SLC4A1: variants seen among roughly 807,000 people sequenced by gnomAD.
SLC4A1 encodes the protein band 3 anion transport protein.
SLC4A1 carries 29 observed loss-of-function variants against 93.1 expected under a neutral mutation model. That is an observed-to-expected ratio of 0.31 (90% CI 0.23 to 0.42). The LOEUF (loss-of-function observed/expected upper bound fraction) is 0.42. Among genes scored for constraint, SLC4A1 ranks in the 20% least tolerant of loss-of-function variants. The pLI, the probability that SLC4A1 is intolerant of heterozygous loss-of-function variation, is 1.00. For missense variants in SLC4A1, 965 were observed against 1,190.1 expected (o/e 0.81, Z 2.78); for synonymous variants, 469 against 497.2 (o/e 0.94, Z 0.76).
intron 13 of SLC4A1, among the ~76,000 whole-genome samples, chr17:44,256,792 G>A (rs1227287076): frequency 6.6e-6 from 1 of 152,234 alleles, no homozygotes; most frequent in African/African-American, 2.4e-5. Context: ...GGCAGCAGGT[G>A]CCAACACATA....
chr17:44,257,325 C>T, intron 13 of SLC4A1, 25 bp downstream of exon 13: 1 of 1,608,446 alleles, frequency 6.2e-7, no homozygotes, highest in Non-Finnish European at 8.5e-7. Context: ...CTCCCGTGTG[C>T]ATTAACATCC....
chr17:44,255,064 C>T (rs761672789), intron 15 of SLC4A1, 143 bp downstream of exon 15: 4 of 699,996 alleles, frequency 5.7e-6, no homozygotes, highest in Non-Finnish European at 1.0e-5. Context: ...GCACATGGGA[C>T]TCCCAGAGGA....
chr17:44,250,517 C>T lies in SLC4A1; in HGVS notation c.2677G>A (p.Ala893Thr). ...LQCLDADDAK[A>T]TFDEEEGRDE... ...CGACCTTCCTCCTCATCAAAGGTTG[C>T]CTTGGCATCATCAGCATCCAGCTGG... Residue 893 changes from alanine (A) to threonine (T), a missense_variant, in exon 20 of 20, where the codon GCA (alanine) becomes ACA (threonine). Transcript: ENST00000262418. The T allele has an allele frequency of 6.2e-7, 1 of 1,613,860 alleles. No homozygotes were observed. The highest frequency in any genetic ancestry group is 8.5e-7 in the Non-Finnish European group (1 of 1,179,904).
Position 44,258,215 on chromosome 17 carries a change from T to C in SLC4A1, c.1088-35A>G, listed in dbSNP as rs768077891. On this transcript the variant is annotated intron_variant, in intron 10 of 19. Transcript: ENST00000262418. The surrounding 1 kb of genome is among the most constrained non-coding windows in gnomAD (Gnocchi z 6.1). ...AGGATAAGAGCATGGTCAGAGGGAG[T>C]AGCTGGAGGAGGTGAGGGGAAAGGG... 4 of 1,597,466 alleles carry C rather than the reference T, an allele frequency of 2.5e-6. No homozygotes were observed. The highest frequency in any genetic ancestry group is 1.4e-5 in the African/African-American group (1 of 73,768).
chr17:44,267,581 C>A (rs1424306150), intron 1 of SLC4A1, among the ~76,000 whole-genome samples: 2 of 152,212 alleles, frequency 1.3e-5, no homozygotes, highest in African/African-American at 4.8e-5. Context: ...CAGTTCCCTC[C>A]AATACTGACC....
At chr17:44,262,321 C>A (rs1395342759) in intron 3 of SLC4A1, among the ~76,000 whole-genome samples, 2 of 152,208 alleles carry the variant, frequency 1.3e-5, no homozygotes, top group African/African-American at 4.8e-5. Context: ...CAAGAACAAG[C>A]CCATTTTCTG....
rs999716 is a variant in SLC4A1, at chr17:44,262,056, C to T, written c.107-420G>A. 546,996 of 1,135,160 alleles carry T rather than the reference C, an allele frequency of 0.48. 137,914 individuals are homozygous for T. The highest frequency in any genetic ancestry group is 0.54 in the South Asian group (25,598 of 47,048). 70.3% of individuals were successfully genotyped at this position (1,135,160 alleles called of 1,614,324 possible). A position where few individuals can be genotyped will look rare whatever the true frequency, so the allele number is the denominator to read the frequency against. On this transcript the variant is annotated intron_variant, in intron 3 of 19. Coordinates refer to ENST00000262418, the MANE Select transcript of SLC4A1 (RefSeq NM_000342.4). ...CTCAATGAGCCCGTCAGCACAGTGT[C>T]TCACTGAGCTGAGGCACCAGGGTGG...
At chr17:44,261,526 G>T (rs755155212) in intron 4 of SLC4A1, 49 bp downstream of exon 4, 2 of 1,614,018 alleles carry the variant, frequency 1.2e-6, no homozygotes, top group South Asian at 1.1e-5. Flanking sequence ...ATCAAATGGT[G>T]GGTCCCAAAG....
chr17:44,258,319 T>A lies in SLC4A1; in HGVS notation c.1087+94A>T. Reference sequence around the variant, plus strand: ...TGGAAGATGTGGGCAAAGGGAGCGATGAGAGGGGAACATGTGATGGGAGAC... The same window carrying A: ...TGGAAGATGTGGGCAAAGGGAGCGAAGAGAGGGGAACATGTGATGGGAGAC... On this transcript the variant is annotated intron_variant, in intron 10 of 19. Coordinates refer to ENST00000262418, the MANE Select transcript of SLC4A1 (RefSeq NM_000342.4). This position sits in a 1 kb window ranked among gnomAD's most constrained non-coding sequence, Gnocchi z 6.1. 7.1e-7 allele frequency: 1 copy of A among 1,416,728 alleles called. No individual in the cohort carries two copies. The highest frequency in any genetic ancestry group is 1.1e-5 in the South Asian group (1 of 86,966). The allele number at this position is 1,416,728 out of a possible 1,614,324, so 87.8% of individuals were successfully genotyped here.
At chr17:44,259,062 C>T in intron 9 of SLC4A1, 101 bp downstream of exon 9, 1 of 1,257,752 alleles carries the variant, frequency 8.0e-7, no homozygotes, top group South Asian at 1.3e-5. Flanking sequence ...ATGGGTCAAA[C>T]CAGTGAACCT....
chr17:44,253,970 CTTTTTTTTTT>C (rs55705332), intron 16 of SLC4A1, among the ~76,000 whole-genome samples: 2 of 87,052 alleles, frequency 2.3e-5, no homozygotes, highest in African/African-American at 6.0e-5. Context: ...TCACCTGGCG[CTTTTTTTTTT>C]TTTTTTTTTT....
At position 44,249,762 on chromosome 17, in the gene SLC4A1, G is replaced by A. The variant is rs2047322862; in HGVS notation, c.*696C>T. 1 of 155,130 alleles carries A rather than the reference G, an allele frequency of 6.4e-6. No homozygotes were observed. Among genetic ancestry groups the A allele is most frequent in the African/African-American group, 2.4e-5 (1 of 41,438 alleles). The allele number at this position is 155,130 out of a possible 1,614,324, so 9.6% of individuals were successfully genotyped here. On this transcript the variant is annotated 3_prime_UTR_variant, in exon 20 of 20. Transcript: ENST00000262418. ...AGAAGAGGGTCTCAAGGTAGGGGCT[G>A]GGAGCAGAGTGGGGAAGGGAGGAGT...
chr17:44,261,019 A>G (rs896096540), intron 4 of SLC4A1, among the ~76,000 whole-genome samples: 2 of 152,110 alleles, frequency 1.3e-5, no homozygotes, highest in African/African-American at 2.4e-5. Context: ...GAGAACCCTG[A>G]CCCAAAGGGA....
intron 16 of SLC4A1, 70 bp downstream of exon 16, chr17:44,254,426 C>T: frequency 1.3e-6 from 2 of 1,489,780 alleles, no homozygotes; most frequent in Non-Finnish European, 9.3e-7. Context: ...CTCTTGCCTG[C>T]CTGGGAGAAT....
intron 17 of SLC4A1, among the ~76,000 whole-genome samples, chr17:44,252,275 C>G (rs1209929817): frequency 6.6e-6 from 1 of 152,014 alleles, no homozygotes; most frequent in Non-Finnish European, 1.5e-5. Context: ...GGGTGACCCA[C>G]CTGCCTCAGT....
intron 13 of SLC4A1, among the ~76,000 whole-genome samples, chr17:44,256,483 C>T (rs2047390037): frequency 6.6e-6 from 1 of 152,206 alleles, no homozygotes; most frequent in Non-Finnish European, 1.5e-5. Flanking sequence ...ACACATAGGG[C>T]TCACCCTTCT....
chr17:44,259,035 C>T (rs1374424652), intron 9 of SLC4A1, 128 bp downstream of exon 9: 4 of 966,840 alleles, frequency 4.1e-6, no homozygotes, highest in Non-Finnish European at 6.4e-6. Flanking sequence ...AGGATAGCAG[C>T]AGCTGGATTA....
intron 19 of SLC4A1, among the ~76,000 whole-genome samples, 176 bp downstream of exon 19, chr17:44,250,983 C>T (rs2047333216): frequency 6.6e-6 from 1 of 152,202 alleles, no homozygotes; most frequent in African/African-American, 2.4e-5. Flanking sequence ...AAAATGAAGA[C>T]ACAGAGAAAC....
intron 1 of SLC4A1, among the ~76,000 whole-genome samples, chr17:44,265,314 A>T (rs918883579): frequency 6.6e-6 from 1 of 151,824 alleles, no homozygotes; most frequent in African/African-American, 2.4e-5. Context: ...CGTTTGCAGC[A>T]CTCGGGGGTG....
Sources: gnomAD v4.1 joint callset for allele counts (sites outside exome capture counted in the v4.1 genomes callset) on GRCh38, gnomAD v4.1.1 for gene constraint, Gnocchi (gnomAD v3.1) non-coding constraint, MANE v1.5 for transcripts, NCBI Gene and HGNC (gene_info 2026-07-23, HGNC 2026-07-21) for gene names.